The following RYR2 variants were observed in gnomAD, a reference collection of about 807,000 sequenced individuals.
The protein encoded by RYR2 is ryanodine receptor 2.
RYR2 carries 227 observed loss-of-function variants against 601.1 expected under a neutral mutation model. The observed-to-expected ratio is 0.38, with a 90% CI of 0.34 to 0.42. The LOEUF is 0.42. Among genes scored for constraint, RYR2 ranks in the 10% least tolerant of loss-of-function variants. The pLI, the probability that RYR2 is intolerant of heterozygous loss-of-function variation, is 1.00. For synonymous variants in RYR2, 2,223 were observed against 2,175.1 expected, an observed-to-expected ratio of 1.02 and a Z score of -0.61; for missense variants, 4,646 against 6,156.5, an observed-to-expected ratio of 0.75 and a Z score of 8.21.
chr1:237,111,590 T>TAAAA (rs71178394), intron 1 of RYR2, among the ~76,000 whole-genome samples: 1 of 119,990 alleles, frequency 8.3e-6, no homozygotes, highest in African/African-American at 3.1e-5. Context: ...TCCGTCTCTT[T>TAAAA]AAAAAAAAAA....
intron 1 of RYR2, among the ~76,000 whole-genome samples, chr1:237,130,407 T>G (rs191356417): frequency 3.9e-4 from 60 of 152,252 alleles, no homozygotes; most frequent in African/African-American, 1.4e-3. Context: ...CAGGGCCTTA[T>G]GTCCCCTTAA....
At chr1:237,823,773 C>T (rs2487792) in intron 101 of RYR2, among the ~76,000 whole-genome samples, 39,861 of 151,906 alleles carry the variant, frequency 0.26, 5,685 homozygotes, top group East Asian at 0.61. Context: ...ACAAAATAGA[C>T]AGACTGCTAG....
intron 80 of RYR2, among the ~76,000 whole-genome samples, chr1:237,745,301 A>G (rs1032435487): frequency 2.0e-5 from 3 of 152,236 alleles, no homozygotes; most frequent in African/African-American, 7.2e-5. Context: ...AATAATGGGT[A>G]TAATAAGAAT....
In RYR2 at chr1:237,085,226, C is replaced by T. The variant is rs561263161; in HGVS notation, c.48+42657C>T. On this transcript the variant is annotated intron_variant, in intron 1 of 104. Transcript: ENST00000366574. ...GATATTAGGGTAGTGTTTACAGTGA[C>T]TTATTTCTTTTCCTAATAGAACTAT... Among the ~76,000 whole-genome samples the T allele has an allele frequency of 7.9e-5, 12 of 152,252 alleles. 1 individual carries two copies. In the South Asian group the frequency reaches 2.5e-3, roughly 32 times the overall value.
At chr1:237,253,177 AAAAAC>A (rs1280946755) in intron 1 of RYR2, among the ~76,000 whole-genome samples, 6 of 150,442 alleles carry the variant, frequency 4.0e-5, no homozygotes, top group Admixed American at 6.6e-5. Flanking sequence ...AAAAAAAAAA[AAAAAC>A]AACAACAAAA....
intron 12 of RYR2, among the ~76,000 whole-genome samples, chr1:237,436,480 C>CTTTTTTTTTTTTTTTTTTTTTTTTTT (rs1707388308): frequency 4.5e-5 from 1 of 22,268 alleles, no homozygotes; most frequent in Non-Finnish European, 8.5e-5. Context: ...TTTTTTTTTG[C>CTTTTTTTTTTTTTTTTTTTTTTTTTT]ATTTCTGTCC....
At chr1:237,376,024 T>G (rs1701005353) in intron 7 of RYR2, among the ~76,000 whole-genome samples, 1 of 152,190 alleles carries the variant, frequency 6.6e-6, no homozygotes. Context: ...TCTGCCTGCC[T>G]TCATCAGAAT....
At chr1:237,469,289 G>C in intron 17 of RYR2, 102 bp downstream of exon 17, 1 of 578,064 alleles carries the variant, frequency 1.7e-6, no homozygotes, top group East Asian at 4.6e-5. Flanking sequence ...ACAACTTTGA[G>C]TGAGGTGTGG....
chr1:237,059,019 C>G (rs1433107669), intron 1 of RYR2, among the ~76,000 whole-genome samples: 1 of 152,062 alleles, frequency 6.6e-6, no homozygotes, highest in Admixed American at 6.6e-5. Flanking sequence ...GCATACATTA[C>G]AACCAACCAA....
intron 2 of RYR2, among the ~76,000 whole-genome samples, chr1:237,288,439 G>A (rs1250013597): frequency 1.3e-5 from 2 of 151,774 alleles, no homozygotes; most frequent in African/African-American, 4.8e-5. Context: ...AGGTAGGGGA[G>A]GGCTAGGCAC....
intron 1 of RYR2, among the ~76,000 whole-genome samples, chr1:237,268,948 A>AAAAAAAAAC (rs1689370014): frequency 6.7e-6 from 1 of 149,148 alleles, no homozygotes; most frequent in Admixed American, 6.7e-5. Context: ...AAAAAAAAAA[A>AAAAAAAAAC]AAAAAAAAAA....
At chr1:237,151,954 C>T (rs1674746899) in intron 1 of RYR2, among the ~76,000 whole-genome samples, 1 of 152,106 alleles carries the variant, frequency 6.6e-6, no homozygotes, top group Non-Finnish European at 1.5e-5. Flanking sequence ...AACTCGTCAC[C>T]TAGGTATTAA....
At chr1:237,615,049 C>A (rs973796710) in intron 37 of RYR2, among the ~76,000 whole-genome samples, 3 of 152,162 alleles carry the variant, frequency 2.0e-5, no homozygotes, top group African/African-American at 7.2e-5. Context: ...TTTTTACCTT[C>A]ATTACATTGG....
chr1:237,646,699 A>T (rs1328241443), intron 48 of RYR2, among the ~76,000 whole-genome samples: 1 of 152,224 alleles, frequency 6.6e-6, no homozygotes, highest in Non-Finnish European at 1.5e-5. Context: ...AGGGGTTCAG[A>T]AAACTTGAGG....
chr1:237,547,442 A>G lies in RYR2; in HGVS notation c.2907-989A>G, dbSNP rs529984834. On this transcript the variant is annotated intron_variant, in intron 25 of 104. Coordinates refer to ENST00000366574, the MANE Select transcript of RYR2 (RefSeq NM_001035.3). ...ATTAATTTGGTAAATGAAATTAATT[A>G]TTTCAACAACTGTATATGAAAAGGC... is the stretch of plus-strand genomic sequence containing the variant. Among the ~76,000 whole-genome samples, 44 of 152,350 alleles carry G rather than the reference A, an allele frequency of 2.9e-4. No homozygotes were observed. In the South Asian group the frequency reaches 9.1e-3, roughly 32 times the overall value.
At chr1:237,256,090 C>T (rs1359149919) in intron 1 of RYR2, among the ~76,000 whole-genome samples, 1 of 152,016 alleles carries the variant, frequency 6.6e-6, no homozygotes, top group East Asian at 1.9e-4. Flanking sequence ...GGGAGGGACT[C>T]AGTGGGAGAT....
At chr1:237,098,782 G>T (rs1183764193) in intron 1 of RYR2, among the ~76,000 whole-genome samples, 10 of 152,208 alleles carry the variant, frequency 6.6e-5, no homozygotes, top group African/African-American at 2.2e-4. Flanking sequence ...AAAGGGAAAT[G>T]AAGAGGTGTG....
chr1:237,755,074 A>G (rs2149258369), intron 80 of RYR2: 1 of 1,289,116 alleles, frequency 7.8e-7, no homozygotes, highest in African/African-American at 1.5e-5. Flanking sequence ...GATATTATCA[A>G]AGATTTAAGA....
chr1:237,358,107 A>G (rs1248877026), intron 4 of RYR2, among the ~76,000 whole-genome samples: 1 of 152,152 alleles, frequency 6.6e-6, no homozygotes, highest in Non-Finnish European at 1.5e-5. Flanking sequence ...AGGACTATTG[A>G]GACTCCTCTG....
Sources: gnomAD v4.1 joint callset for allele counts (sites outside exome capture counted in the v4.1 genomes callset) on GRCh38, gnomAD v4.1.1 for gene constraint, MANE v1.5 for transcripts, NCBI Gene and HGNC (gene_info 2026-07-23, HGNC 2026-07-21) for gene names.